The following SIRPD variants were observed in gnomAD, a reference collection of about 807,000 sequenced individuals.
SIRPD encodes the protein signal-regulatory protein delta.
In SIRPD, 21 loss-of-function variants were observed where a neutral mutation model predicts 18.0. The observed-to-expected ratio is 1.17, with a 90% CI of 0.83 to 1.68. The LOEUF (loss-of-function observed/expected upper bound fraction) is 1.68, where lower values mean the gene tolerates loss of function less well. SIRPD is among the 40% of genes most tolerant of loss of function. The pLI, the probability that SIRPD is intolerant of heterozygous loss-of-function variation, is 0.00. For synonymous variants in SIRPD, 106 were observed against 92.9 expected, an observed-to-expected ratio of 1.14 and a Z score of -0.81; for missense variants, 295 against 238.4, an observed-to-expected ratio of 1.24 and a Z score of -1.56.
chr20:1,557,573 C>T lies in SIRPD; in HGVS notation c.73+8G>A, dbSNP rs200613756. The T allele has an allele frequency of 1.9e-6, 3 of 1,561,058 alleles. No homozygotes were observed. The highest frequency in any genetic ancestry group is 2.6e-6 in the Non-Finnish European group (3 of 1,152,650). ...CCCACCACACACATACACTGAGGCCCCACTCACCTGCCAGTTCAAGCAGCA... is the reference window on the plus strand; with the variant it reads ...CCCACCACACACATACACTGAGGCCTCACTCACCTGCCAGTTCAAGCAGCA... On this transcript the variant is annotated splice_region_variant and intron_variant, in intron 1 of 3. Transcript: ENST00000381623.
At chr20:1,541,821 G>GGTA (rs1445677409) in intron 2 of SIRPD, among the ~76,000 whole-genome samples, 1 of 152,008 alleles carries the variant, frequency 6.6e-6, no homozygotes, top group Non-Finnish European at 1.5e-5. Flanking sequence ...TTGTATAAGG[G>GGTA]GTAAGGAAGG....
Sources: gnomAD v4.1 joint callset for allele counts (sites outside exome capture counted in the v4.1 genomes callset) on GRCh38, gnomAD v4.1.1 for gene constraint, MANE v1.5 for transcripts, NCBI Gene and HGNC (gene_info 2026-07-23, HGNC 2026-07-21) for gene names.